The following PIGN variants were observed in gnomAD, a reference collection of about 807,000 sequenced individuals.
PIGN encodes the protein GPI ethanolamine phosphate transferase 1.
In PIGN, 117 loss-of-function variants were observed where a neutral mutation model predicts 125.4. That is an observed-to-expected ratio of 0.93 (90% CI 0.80 to 1.09). The LOEUF (loss-of-function observed/expected upper bound fraction) is 1.09, where lower values mean the gene tolerates loss of function less well. Ranked by LOEUF, PIGN falls within the 50% of genes least tolerant of loss-of-function variation. The pLI is 0.00. For synonymous variants in PIGN, 392 were observed against 377.8 expected, an observed-to-expected ratio of 1.04 and a Z score of -0.44; for missense variants, 1,075 against 1,094.9, an observed-to-expected ratio of 0.98 and a Z score of 0.26.
chr18:62,114,491 C>G (rs182345724), intron 15 of PIGN, 70 bp downstream of exon 15: 1 of 923,118 alleles, frequency 1.1e-6, no homozygotes, highest in Non-Finnish European at 1.7e-6. Flanking sequence ...GCCTACTTTG[C>G]TCTATTTTTC....
intron 23 of PIGN, among the ~76,000 whole-genome samples, chr18:62,022,721 TTCA>T (rs1210978292): frequency 1.3e-5 from 2 of 152,202 alleles, no homozygotes; most frequent in Non-Finnish European, 2.9e-5. Flanking sequence ...TACCTTGCAT[TTCA>T]TTAGTAACAG....
chr18:62,085,137 A>G (rs1370584621), intron 26 of PIGN, 72 bp downstream of exon 26: 10 of 849,034 alleles, frequency 1.2e-5, no homozygotes, highest in Non-Finnish European at 1.9e-5. Flanking sequence ...AAGGTACAGA[A>G]CAAAAGGTAT....
chr18:62,020,716 G>A (rs549681673), intron 23 of PIGN, among the ~76,000 whole-genome samples: 178 of 151,752 alleles, frequency 1.2e-3, no homozygotes, highest in Non-Finnish European at 2.4e-3. Flanking sequence ...TTGGGAGGCC[G>A]AGGTGGGCAG....
At chr18:62,065,434 A>G (rs1040322645) in intron 30 of PIGN, among the ~76,000 whole-genome samples, 3 of 152,184 alleles carry the variant, frequency 2.0e-5, no homozygotes, top group African/African-American at 4.8e-5. Context: ...GGGCAGGATG[A>G]ATATAATTAA....
At chr18:62,183,479 T>C (rs1295042310) in intron 1 of PIGN, among the ~76,000 whole-genome samples, 1 of 152,242 alleles carries the variant, frequency 6.6e-6, no homozygotes, top group African/African-American at 2.4e-5. Context: ...CTCTGCAGAA[T>C]GTACTTGCAA....
In PIGN at chr18:62,102,785, G is replaced by A. The variant is rs917656380; in HGVS notation, c.1968+9C>T. The A allele has an allele frequency of 5.4e-6, 7 of 1,303,596 alleles. No individual in the cohort carries two copies. The East Asian group carries it at 7.3e-5, about 14-fold the overall frequency. The allele number at this position is 1,303,596 out of a possible 1,614,324, so 80.8% of individuals were successfully genotyped here. Reference sequence around the variant, plus strand: ...TAGTATAACATAGTATTGAAAATCTGTAACTGACCTGTAACAGATGTACCA... The same window carrying A: ...TAGTATAACATAGTATTGAAAATCTATAACTGACCTGTAACAGATGTACCA... On this transcript the variant is annotated intron_variant, in intron 21 of 30. Coordinates refer to ENST00000640252, the MANE Select transcript of PIGN (RefSeq NM_176787.5).
chr18:62,184,222 A>G (rs1346419960), intron 1 of PIGN, among the ~76,000 whole-genome samples: 2 of 152,232 alleles, frequency 1.3e-5, no homozygotes, highest in African/African-American at 4.8e-5. Flanking sequence ...TAAGACTATT[A>G]AAACCTAAAA....
intron 1 of PIGN, among the ~76,000 whole-genome samples, chr18:62,169,209 A>T (rs1050978131): frequency 6.6e-6 from 1 of 152,156 alleles, no homozygotes; most frequent in Admixed American, 6.5e-5. Flanking sequence ...ATAAAAATCT[A>T]TTTCTGCATC....
At chr18:62,112,918 C>A in intron 16 of PIGN, 1 of 478,318 alleles carries the variant, frequency 2.1e-6, no homozygotes, top group Non-Finnish European at 3.6e-6. Context: ...ATCTTTATAG[C>A]TTTCTTAAGT....
intron 10 of PIGN, among the ~76,000 whole-genome samples, chr18:62,144,553 A>G (rs2036250313): frequency 1.3e-5 from 2 of 152,060 alleles, no homozygotes; most frequent in South Asian, 4.1e-4. Flanking sequence ...TAGCCTCTTC[A>G]TTTGCTATTC....
At chr18:62,071,224 C>T (rs773614480) in intron 30 of PIGN, among the ~76,000 whole-genome samples, 9 of 152,114 alleles carry the variant, frequency 5.9e-5, no homozygotes, top group South Asian at 4.1e-4. Context: ...ATACTGCAAC[C>T]GGAACAACCT....
intron 1 of PIGN, among the ~76,000 whole-genome samples, chr18:62,175,069 T>C (rs1267551635): frequency 1.0e-5 from 1 of 95,744 alleles, no homozygotes; most frequent in African/African-American, 3.2e-5. Context: ...ATATAATAAA[T>C]ATATATATTT....
rs398033140 is a variant in PIGN, at chr18:62,096,516, C to CTTTTTTTTTTTT, written c.2078-578_2078-567dup. ...TATTAACTCAAAAATGAATTATTTT[C>CTTTTTTTTTTTT]TTTTTTTTTTTTTTTTTTTTTTTTT... On this transcript the variant is annotated intron_variant, in intron 22 of 30. Coordinates refer to ENST00000640252, the MANE Select transcript of PIGN (RefSeq NM_176787.5). Among the ~76,000 whole-genome samples the CTTTTTTTTTTTT allele has an allele frequency of 2.0e-3, 168 of 85,642 alleles. 1 individual carries two copies. The highest frequency in any genetic ancestry group is 2.6e-3 in the African/African-American group (47 of 18,378). 56.2% of individuals were successfully genotyped at this position (85,642 alleles called of 152,430 possible).
chr18:62,059,218 A>G (rs1427634731), intron 30 of PIGN: 1 of 146,866 alleles, frequency 6.8e-6, no homozygotes, highest in Admixed American at 7.0e-5. Context: ...TAATCATCCC[A>G]ACTTCTTCAG....
chr18:62,028,733 T>G (rs530033546), intron 23 of PIGN, among the ~76,000 whole-genome samples: 12 of 152,352 alleles, frequency 7.9e-5, no homozygotes, highest in African/African-American at 2.9e-4. Flanking sequence ...GATAGCAGCA[T>G]CCCAGTTCTG....
intron 23 of PIGN, among the ~76,000 whole-genome samples, chr18:62,029,041 G>A (rs535857971): frequency 6.6e-5 from 10 of 152,292 alleles, no homozygotes; most frequent in African/African-American, 2.2e-4. Context: ...ACTGGACTGC[G>A]GACATGGAGG....
intron 29 of PIGN, among the ~76,000 whole-genome samples, chr18:62,074,196 A>C (rs1404404735): frequency 6.6e-6 from 1 of 152,184 alleles, no homozygotes; most frequent in Non-Finnish European, 1.5e-5. Context: ...ACTGAATATA[A>C]CAGCATTCAG....
At chr18:62,152,598 A>G (rs893898784) in intron 7 of PIGN, among the ~76,000 whole-genome samples, 3 of 152,158 alleles carry the variant, frequency 2.0e-5, no homozygotes, top group South Asian at 2.1e-4. Flanking sequence ...ATCTAACATA[A>G]AGCCTATTTT....
intron 30 of PIGN, among the ~76,000 whole-genome samples, chr18:62,066,520 T>C (rs2032531596): frequency 6.6e-6 from 1 of 152,190 alleles, no homozygotes; most frequent in Non-Finnish European, 1.5e-5. Flanking sequence ...CCAGGGGCAA[T>C]CCTTTGACTG....
Sources: allele counts gnomAD v4.1 joint callset (sites outside exome capture counted in the v4.1 genomes callset), GRCh38; gene constraint gnomAD v4.1.1; transcripts MANE v1.5; gene names NCBI Gene and HGNC (gene_info 2026-07-23, HGNC 2026-07-21).